The following ARID5B variants were observed in gnomAD, a reference collection of about 807,000 sequenced individuals.
The protein encoded by ARID5B is AT-rich interaction domain 5B.
Under a neutral mutation model 97.2 loss-of-function variants are expected in ARID5B, and 13 were observed. That is an observed-to-expected ratio of 0.13 (90% CI 0.09 to 0.21). The LOEUF is 0.21. ARID5B is among the 10% of genes least tolerant of loss of function. The pLI is 1.00. For missense variants in ARID5B, 1,210 were observed against 1,465.3 expected (o/e 0.83, Z 2.84); for synonymous variants, 556 against 570.3 (o/e 0.97, Z 0.36).
chr10:61,917,598 A>G (rs1019936358), intron 2 of ARID5B, among the ~76,000 whole-genome samples: 7 of 152,212 alleles, frequency 4.6e-5, no homozygotes, highest in African/African-American at 1.7e-4. Context: ...TGGGCCAAAC[A>G]AAATGTGTCT....
chr10:61,927,608 G>T (rs1028685467), intron 2 of ARID5B, among the ~76,000 whole-genome samples: 2 of 152,154 alleles, frequency 1.3e-5, no homozygotes, highest in East Asian at 1.9e-4. Flanking sequence ...TGCAATTGAG[G>T]TGTTTACTGT....
chr10:61,966,941 C>T (rs932145085), intron 3 of ARID5B, among the ~76,000 whole-genome samples: 2 of 152,128 alleles, frequency 1.3e-5, no homozygotes, highest in Non-Finnish European at 2.9e-5. Context: ...TCCATGAATT[C>T]TGCCCGCATT....
intron 5 of ARID5B, among the ~76,000 whole-genome samples, chr10:62,056,859 T>G (rs1839862926): frequency 6.6e-6 from 1 of 152,186 alleles, no homozygotes; most frequent in African/African-American, 2.4e-5. Context: ...CTACTAGTGT[T>G]GAATAGTTGC....
At chr10:61,913,526 T>G in intron 2 of ARID5B, among the ~76,000 whole-genome samples, 1 of 152,164 alleles carries the variant, frequency 6.6e-6, no homozygotes. Context: ...TAGGATTCAG[T>G]GTTCTCAGGC....
chr10:62,026,731 C>A (rs78050024), intron 4 of ARID5B, among the ~76,000 whole-genome samples: 3,285 of 152,176 alleles, frequency 0.022, 97 homozygotes, highest in African/African-American at 0.074. Flanking sequence ...ATGAGATTTG[C>A]TCTAAATATG....
chr10:61,903,789 C>G (rs1843660928), intron 2 of ARID5B, among the ~76,000 whole-genome samples: 1 of 151,872 alleles, frequency 6.6e-6, no homozygotes, highest in African/African-American at 2.4e-5. Flanking sequence ...GATCGAATTA[C>G]TCGTCAGTGG....
intron 2 of ARID5B, among the ~76,000 whole-genome samples, chr10:61,936,664 T>C (rs1844306065): frequency 6.6e-6 from 1 of 152,158 alleles, no homozygotes; most frequent in South Asian, 2.1e-4. Flanking sequence ...CTGTGAACCA[T>C]CTAAAATCAT....
intron 3 of ARID5B, among the ~76,000 whole-genome samples, chr10:61,963,927 G>C (rs1271372339): frequency 6.6e-6 from 1 of 152,110 alleles, no homozygotes; most frequent in African/African-American, 2.4e-5. Flanking sequence ...AGAGACAGAT[G>C]TGCCTGGTGT....
intron 2 of ARID5B, among the ~76,000 whole-genome samples, chr10:61,921,656 C>G (rs1426416621): frequency 6.6e-6 from 1 of 152,082 alleles, no homozygotes; most frequent in African/African-American, 2.4e-5. Flanking sequence ...TATTGTCTAG[C>G]CCACACCCAA....
At chr10:61,916,203 G>A (rs1255501025) in intron 2 of ARID5B, among the ~76,000 whole-genome samples, 1 of 152,186 alleles carries the variant, frequency 6.6e-6, no homozygotes, top group Non-Finnish European at 1.5e-5. Flanking sequence ...GCAGGCAGGT[G>A]CCACCCCACC....
chr10:62,023,434 A>T (rs1178443194), intron 4 of ARID5B, among the ~76,000 whole-genome samples: 1 of 152,186 alleles, frequency 6.6e-6, no homozygotes, highest in East Asian at 1.9e-4. Flanking sequence ...TTCTCACACC[A>T]ACTGAACCAA....
chr10:62,030,946 G>A (rs1839489602), intron 4 of ARID5B, among the ~76,000 whole-genome samples: 1 of 152,170 alleles, frequency 6.6e-6, no homozygotes, highest in South Asian at 2.1e-4. Context: ...TAAGAGTAAA[G>A]AGGTTTGAGC....
chr10:61,995,666 A>G (rs117690502), intron 3 of ARID5B, among the ~76,000 whole-genome samples: 2,458 of 152,308 alleles, frequency 0.016, 27 homozygotes, highest in Non-Finnish European at 0.025. Context: ...GTTTTCACCA[A>G]TAAAATAAAC....
Position 62,092,066 on chromosome 10 carries a change from G to C in ARID5B, c.2603G>C (p.Ser868Thr). 6.2e-7 allele frequency: 1 copy of C among 1,614,016 alleles called. No homozygotes were observed. The highest frequency in any genetic ancestry group is 8.5e-7 in the Non-Finnish European group (1 of 1,179,990). Residue 868 changes from serine to threonine, a missense_variant, in exon 10 of 10, where the codon AGT (serine) becomes ACT (threonine). Around this residue, in one of 8 missense-constraint regions of ARID5B, gnomAD observed 800 missense variants for 839.1 expected, o/e 0.95. Coordinates refer to ENST00000279873, the MANE Select transcript of ARID5B (RefSeq NM_032199.3). ...GACATGTACAGGGAATCGGAAAACA[G>C]TTCTTTTCCTTCCCACAGACACCAA... ...SRDMYRESEN[S>T]SFPSHRHQEK...
intron 8 of ARID5B, among the ~76,000 whole-genome samples, chr10:62,072,567 C>G (rs1840079185): frequency 6.6e-6 from 1 of 152,170 alleles, no homozygotes; most frequent in African/African-American, 2.4e-5. Context: ...TGTGGCAACA[C>G]CAAAAATTGG....
intron 9 of ARID5B, among the ~76,000 whole-genome samples, chr10:62,089,614 A>C (rs1362814363): frequency 7.4e-6 from 1 of 135,822 alleles, no homozygotes; most frequent in Non-Finnish European, 1.5e-5. Flanking sequence ...CGCATCCTCC[A>C]CCTCTGGGGT....
At chr10:62,050,612 T>C (rs1347390708) in intron 4 of ARID5B, among the ~76,000 whole-genome samples, 2 of 152,206 alleles carry the variant, frequency 1.3e-5, no homozygotes, top group Non-Finnish European at 2.9e-5. Context: ...ATTTTTCTTA[T>C]CATGATCCTT....
At chr10:61,909,224 C>T (rs1431654302) in intron 2 of ARID5B, among the ~76,000 whole-genome samples, 4 of 151,684 alleles carry the variant, frequency 2.6e-5, no homozygotes. Context: ...TCACCTGACC[C>T]TATGCTCCCC....
intron 7 of ARID5B, 34 bp from the exon 8 acceptor site, chr10:62,069,666 T>A: frequency 1.3e-6 from 2 of 1,562,410 alleles, no homozygotes; most frequent in Non-Finnish European, 1.8e-6. Context: ...TCTCTTATGA[T>A]GTAAGATTGA....
Sources: gnomAD v4.1 joint callset for allele counts (sites outside exome capture counted in the v4.1 genomes callset) on GRCh38, gnomAD v4.1.1 for gene constraint, gnomAD v4.1.1 regional missense constraint, MANE v1.5 for transcripts, NCBI Gene and HGNC (gene_info 2026-07-23, HGNC 2026-07-21) for gene names.